FHIT: variants seen among roughly 807,000 people sequenced by gnomAD.
The protein encoded by FHIT is fragile histidine triad diadenosine triphosphatase, also known as bis(5'-adenosyl)-triphosphatase.
FHIT carries 19 observed loss-of-function variants against 17.9 expected under a neutral mutation model. The observed-to-expected ratio is 1.06, with a 90% confidence interval of 0.74 to 1.56. The LOEUF is 1.56. Among genes scored for constraint, FHIT ranks in the 40% most tolerant of loss-of-function variants. The pLI, the probability that FHIT is intolerant of heterozygous loss-of-function variation, is 0.00. For missense variants in FHIT, 248 were observed against 189.2 expected (o/e 1.31, Z -1.82); for synonymous variants, 81 against 69.7 (o/e 1.16, Z -0.81).
chr3:60,424,873 T>C (rs1438876093), intron 5 of FHIT, among the ~76,000 whole-genome samples: 2 of 152,274 alleles, frequency 1.3e-5, no homozygotes, highest in East Asian at 3.9e-4. Flanking sequence ...ATATAGATGA[T>C]CAAACAAAAA....
intron 7 of FHIT, among the ~76,000 whole-genome samples, chr3:59,928,658 C>T (rs1324321033): frequency 6.6e-6 from 1 of 152,128 alleles, no homozygotes; most frequent in Non-Finnish European, 1.5e-5. Context: ...AGCCCAAAAC[C>T]ACAAAGACAA....
chr3:59,808,986 T>A (rs564146240), intron 8 of FHIT, among the ~76,000 whole-genome samples: 1 of 152,154 alleles, frequency 6.6e-6, no homozygotes, highest in Non-Finnish European at 1.5e-5. Context: ...TGAAGTATCA[T>A]TTTCCCGGTG....
chr3:60,767,418 T>C (rs1317395718), intron 4 of FHIT, among the ~76,000 whole-genome samples: 7 of 152,180 alleles, frequency 4.6e-5, no homozygotes, highest in Non-Finnish European at 1.0e-4. Context: ...TAGGAACTTA[T>C]ATTTCCCATT....
chr3:60,082,695 G>A (rs534436120), intron 5 of FHIT, among the ~76,000 whole-genome samples: 7 of 152,220 alleles, frequency 4.6e-5, no homozygotes, highest in South Asian at 2.1e-4. Context: ...GTCTCTCACC[G>A]TGGTTTGGAT....
chr3:60,418,489 C>G (rs1463046223), intron 5 of FHIT, among the ~76,000 whole-genome samples: 2 of 132,170 alleles, frequency 1.5e-5, no homozygotes, highest in African/African-American at 5.6e-5. Context: ...TCTTGCTTTT[C>G]TTAAATGGTA....
chr3:60,330,433 C>T (rs778097930), intron 5 of FHIT, among the ~76,000 whole-genome samples: 8 of 152,112 alleles, frequency 5.3e-5, no homozygotes, highest in Admixed American at 1.3e-4. Context: ...AGACAACCAC[C>T]GGTATAAAGA....
chr3:60,862,787 G>T (rs1036575840), intron 3 of FHIT, among the ~76,000 whole-genome samples: 2 of 151,782 alleles, frequency 1.3e-5, no homozygotes, highest in East Asian at 3.9e-4. Flanking sequence ...GGGAGGCAGA[G>T]GTTGCAGTGA....
At chr3:60,393,245 C>T (rs967057570) in intron 5 of FHIT, among the ~76,000 whole-genome samples, 1 of 151,992 alleles carries the variant, frequency 6.6e-6, no homozygotes, top group Non-Finnish European at 1.5e-5. Context: ...GCATCTTAAA[C>T]TTCATGGAGT....
chr3:60,805,609 G>A (rs1701355100), intron 4 of FHIT, among the ~76,000 whole-genome samples: 1 of 152,030 alleles, frequency 6.6e-6, no homozygotes, highest in African/African-American at 2.4e-5. Flanking sequence ...AGGCTGGAGT[G>A]CAGTGGCGCA....
chr3:61,221,262 A>C (rs1274646428), intron 1 of FHIT, among the ~76,000 whole-genome samples: 1 of 152,234 alleles, frequency 6.6e-6, no homozygotes, highest in Non-Finnish European at 1.5e-5. Flanking sequence ...ACATGGCCCC[A>C]GTATGTTTTC....
intron 8 of FHIT, among the ~76,000 whole-genome samples, chr3:59,828,843 C>CTGTGTGTG (rs10637442): frequency 0.054 from 7,953 of 146,764 alleles, 266 homozygotes; most frequent in Non-Finnish European, 0.071. Flanking sequence ...CAATGGTACT[C>CTGTGTGTG]TCTCTGTGTG....
chr3:61,040,843 C>T (rs931454707), intron 3 of FHIT, among the ~76,000 whole-genome samples: 2 of 152,178 alleles, frequency 1.3e-5, no homozygotes, highest in Admixed American at 1.3e-4. Context: ...AAACTCTTTG[C>T]CTCTTCAGAG....
rs1339875680 is a variant in FHIT at position 59,748,671 on chromosome 3, G to A, written c.*914C>T. On this transcript the variant is annotated 3_prime_UTR_variant, in exon 10 of 10. Coordinates refer to ENST00000492590, the MANE Select transcript of FHIT (RefSeq NM_002012.4). ...GGAGATGGGACAGGGAGAAGGAAGT[G>A]GCTAGAGAGGTGAGCTCTTTTAGCA... Among the ~76,000 whole-genome samples the A allele has an allele frequency of 6.6e-6, 1 of 152,064 alleles. No individual in the cohort carries two copies. Among genetic ancestry groups the A allele is most frequent in the Non-Finnish European group, 1.5e-5 (1 of 67,980 alleles).
intron 5 of FHIT, among the ~76,000 whole-genome samples, chr3:60,235,447 G>A (rs1327848664): frequency 2.6e-5 from 4 of 152,032 alleles, no homozygotes; most frequent in Non-Finnish European, 4.4e-5. Flanking sequence ...GGCCAGGCTG[G>A]TCTCGAACTC....
intron 5 of FHIT, among the ~76,000 whole-genome samples, chr3:60,273,390 C>A (rs1174959750): frequency 6.6e-6 from 1 of 151,996 alleles, no homozygotes; most frequent in Non-Finnish European, 1.5e-5. Flanking sequence ...GGGTGGATCA[C>A]AAGGTCAGGA....
chr3:60,516,835 C>G (rs999666983), intron 5 of FHIT, among the ~76,000 whole-genome samples: 1 of 152,048 alleles, frequency 6.6e-6, no homozygotes, highest in Non-Finnish European at 1.5e-5. Flanking sequence ...ATCACTTGAG[C>G]GAAAGTGATC....
intron 5 of FHIT, among the ~76,000 whole-genome samples, chr3:60,104,956 G>A (rs1057498740): frequency 1.3e-5 from 2 of 152,024 alleles, no homozygotes; most frequent in Non-Finnish European, 1.5e-5. Context: ...AGCTCTTACT[G>A]TCTTTAGTAT....
intron 7 of FHIT, among the ~76,000 whole-genome samples, chr3:59,925,549 G>C (rs1011795618): frequency 6.6e-6 from 1 of 152,146 alleles, no homozygotes; most frequent in Non-Finnish European, 1.5e-5. Flanking sequence ...CCAGGGTCCA[G>C]GTCTATCCCC....
rs74337183 is a variant in FHIT at position 59,788,531 on chromosome 3, G to C, written c.349-36210C>G. On this transcript the variant is annotated intron_variant, in intron 8 of 9. Coordinates refer to ENST00000492590, the MANE Select transcript of FHIT (RefSeq NM_002012.4). ...CCTCCTGTGGTTAGGGGCCAGGCAGGTTTCCCTAAACAGGGCTAAAGGCAG... is the reference window on the plus strand; with the variant it reads ...CCTCCTGTGGTTAGGGGCCAGGCAGCTTTCCCTAAACAGGGCTAAAGGCAG... Among the ~76,000 whole-genome samples the C allele has an allele frequency of 2.0e-5, 3 of 152,236 alleles. No individual in the cohort carries two copies. The East Asian group carries it at 5.8e-4, about 29-fold the overall frequency.
Sources: allele counts gnomAD v4.1 joint callset (sites outside exome capture counted in the v4.1 genomes callset), GRCh38; gene constraint gnomAD v4.1.1; transcripts MANE v1.5; gene names NCBI Gene and HGNC (gene_info 2026-07-23, HGNC 2026-07-21).